The following NRG3 variants were observed in gnomAD, a reference collection of about 807,000 sequenced individuals.
The protein encoded by NRG3 is neuregulin 3.
In NRG3, 31 loss-of-function variants were observed where a neutral mutation model predicts 66.9. That is an observed-to-expected ratio of 0.46 (90% CI 0.35 to 0.63). The LOEUF (loss-of-function observed/expected upper bound fraction) is 0.63. NRG3 is among the 20% of genes least tolerant of loss of function. The probability of loss-of-function intolerance (pLI) is 0.00; values close to 1 mark genes in which losing one functional copy is unlikely to be tolerated. For missense variants in NRG3, 910 were observed against 878.9 expected (o/e 1.04, Z -0.45); for synonymous variants, 393 against 359.4 (o/e 1.09, Z -1.06).
chr10:82,197,268 C>A (rs1209085967), intron 1 of NRG3, among the ~76,000 whole-genome samples: 1 of 152,076 alleles, frequency 6.6e-6, no homozygotes, highest in Non-Finnish European at 1.5e-5. Flanking sequence ...CTCTTTTGAA[C>A]AATATAAGTC....
At chr10:82,653,661 AC>A (rs2133908384) in intron 2 of NRG3, among the ~76,000 whole-genome samples, 1 of 152,048 alleles carries the variant, frequency 6.6e-6, no homozygotes, top group Non-Finnish European at 1.5e-5. Flanking sequence ...AAAAAAAAAA[AC>A]AAAGGTGGTG....
chr10:82,027,395 C>G (rs1395275643), intron 1 of NRG3, among the ~76,000 whole-genome samples: 1 of 151,848 alleles, frequency 6.6e-6, no homozygotes, highest in Admixed American at 6.6e-5. Context: ...TACTTTAGAC[C>G]CTTATGTTAT....
chr10:82,700,307 T>C (rs2055764804), intron 2 of NRG3, among the ~76,000 whole-genome samples: 1 of 151,856 alleles, frequency 6.6e-6, no homozygotes, highest in Non-Finnish European at 1.5e-5. Flanking sequence ...ATTAAAAGAG[T>C]TTGATGTGGA....
chr10:81,928,931 C>A (rs1847080829), intron 1 of NRG3, among the ~76,000 whole-genome samples: 1 of 152,072 alleles, frequency 6.6e-6, no homozygotes, highest in African/African-American at 2.4e-5. Flanking sequence ...AAGTGATCCT[C>A]CCACCTGAGC....
At chr10:82,168,241 G>T (rs980080816) in intron 1 of NRG3, among the ~76,000 whole-genome samples, 3 of 152,058 alleles carry the variant, frequency 2.0e-5, no homozygotes, top group African/African-American at 7.2e-5. Context: ...TTGGCTGTCT[G>T]CTTATATTAA....
intron 2 of NRG3, among the ~76,000 whole-genome samples, chr10:82,615,540 G>A (rs1035194096): frequency 2.6e-5 from 4 of 152,088 alleles, no homozygotes; most frequent in South Asian, 4.1e-4. Flanking sequence ...ACATCCCCAC[G>A]TGGAATGTTT....
At chr10:82,117,121 T>C (rs546775196) in intron 1 of NRG3, among the ~76,000 whole-genome samples, 1 of 152,272 alleles carries the variant, frequency 6.6e-6, no homozygotes, top group South Asian at 2.1e-4. Context: ...TTATCTGTCA[T>C]AGGTCATATT....
chr10:82,337,631 T>G (rs1589762598), intron 1 of NRG3, among the ~76,000 whole-genome samples: 1 of 152,338 alleles, frequency 6.6e-6, no homozygotes, highest in African/African-American at 2.4e-5. Flanking sequence ...TTCTCCACAT[T>G]CCTGCCAATA....
intron 2 of NRG3, among the ~76,000 whole-genome samples, chr10:82,360,653 T>A (rs967629302): frequency 6.6e-6 from 1 of 152,206 alleles, no homozygotes; most frequent in Non-Finnish European, 1.5e-5. Flanking sequence ...CTAGGACTGC[T>A]GTTACAAAGT....
chr10:82,793,556 T>C (rs2135388521), intron 3 of NRG3, among the ~76,000 whole-genome samples: 1 of 152,304 alleles, frequency 6.6e-6, no homozygotes, highest in African/African-American at 2.4e-5. Flanking sequence ...AACTTAAGCC[T>C]TCTCAGATCC....
chr10:82,391,101 C>G (rs1157359213), intron 2 of NRG3, among the ~76,000 whole-genome samples: 1 of 152,152 alleles, frequency 6.6e-6, no homozygotes, highest in Non-Finnish European at 1.5e-5. Flanking sequence ...CTTTCAAAAG[C>G]ATTTTGCCAG....
At chr10:82,118,883 G>C (rs952532264) in intron 1 of NRG3, among the ~76,000 whole-genome samples, 1 of 152,142 alleles carries the variant, frequency 6.6e-6, no homozygotes, top group African/African-American at 2.4e-5. Context: ...TAGATCCAGA[G>C]TTGCCTATAG....
At chr10:82,210,981 G>T (rs1436561002) in intron 1 of NRG3, among the ~76,000 whole-genome samples, 2 of 150,144 alleles carry the variant, frequency 1.3e-5, no homozygotes, top group Non-Finnish European at 3.0e-5. Context: ...TCATCATTTT[G>T]TACTTACAGA....
intron 3 of NRG3, among the ~76,000 whole-genome samples, chr10:82,817,391 A>G (rs1277243758): frequency 5.9e-5 from 9 of 152,244 alleles, no homozygotes; most frequent in Non-Finnish European, 1.0e-4. Flanking sequence ...GATTTTTTCT[A>G]TATTTTAAGC....
chr10:81,929,937 C>G (rs1847179264), intron 1 of NRG3, among the ~76,000 whole-genome samples: 1 of 152,266 alleles, frequency 6.6e-6, no homozygotes, highest in Middle Eastern at 3.4e-3. Flanking sequence ...CCTCGGTAAT[C>G]AGGCCAGGTT....
chr10:82,239,757 A>G (rs746255630), intron 1 of NRG3, among the ~76,000 whole-genome samples: 2 of 152,108 alleles, frequency 1.3e-5, no homozygotes, highest in Non-Finnish European at 2.9e-5. Flanking sequence ...ATAGGTTTAC[A>G]TCTTAAGATT....
chr10:82,872,822 G>A lies in NRG3; in HGVS notation c.1054+7385G>A, dbSNP rs1455730375. ...ACACTTAAGCTGAGTATCAGCCAAA[G>A]TGGATAAGCTATACTTAGTAATGCC... On this transcript the variant is annotated intron_variant, in intron 4 of 8. Transcript: ENST00000372141. Among the ~76,000 whole-genome samples the A allele has an allele frequency of 2.6e-5, 4 of 151,886 alleles. No individual in the cohort carries two copies. The East Asian group carries it at 7.7e-4, about 29-fold the overall frequency.
chr10:82,014,128 A>G (rs1444020733), intron 1 of NRG3, among the ~76,000 whole-genome samples: 1 of 152,182 alleles, frequency 6.6e-6, no homozygotes, highest in East Asian at 1.9e-4. Flanking sequence ...TGGGAAAATG[A>G]TTGTAGCTCT....
At chr10:82,780,705 A>C (rs1462464587) in intron 3 of NRG3, among the ~76,000 whole-genome samples, 2 of 151,906 alleles carry the variant, frequency 1.3e-5, no homozygotes, top group Non-Finnish European at 2.9e-5. Flanking sequence ...TTGAGATACT[A>C]TTTTTATCTG....
Sources: gnomAD v4.1 joint callset for allele counts (sites outside exome capture counted in the v4.1 genomes callset) on GRCh38, gnomAD v4.1.1 for gene constraint, MANE v1.5 for transcripts, NCBI Gene and HGNC (gene_info 2026-07-23, HGNC 2026-07-21) for gene names.